Variants in TMCC1 observed in about 807,000 individuals in gnomAD.
TMCC1 encodes the protein transmembrane and coiled-coil domain family 1, also known as transmembrane and coiled-coil domains protein 1.
Under a neutral mutation model 52.4 loss-of-function variants are expected in TMCC1, and 15 were observed. The ratio of observed to expected loss-of-function variants is 0.29; its 90% CI spans 0.19 to 0.44. The LOEUF is 0.44. Ranked by LOEUF, TMCC1 falls within the 20% of genes least tolerant of loss-of-function variation. The pLI, the probability that TMCC1 is intolerant of heterozygous loss-of-function variation, is 1.00. For missense variants in TMCC1, 503 were observed against 806.0 expected, an observed-to-expected ratio of 0.62 and a Z score of 4.55; for synonymous variants, 279 against 301.9, an observed-to-expected ratio of 0.92 and a Z score of 0.79.
intron 2 of TMCC1, among the ~76,000 whole-genome samples, chr3:129,844,282 G>A (rs1329008160): frequency 1.3e-5 from 2 of 151,992 alleles, no homozygotes; most frequent in East Asian, 1.9e-4. Context: ...CTAAAAAATC[G>A]AGAAGGAATA....
intron 4 of TMCC1, among the ~76,000 whole-genome samples, chr3:129,810,639 T>A (rs1294212400): frequency 6.6e-6 from 1 of 152,244 alleles, no homozygotes; most frequent in Non-Finnish European, 1.5e-5. Context: ...CTGCTTAAAC[T>A]GAACTTGATT....
At chr3:129,797,890 C>A (rs778282449) in intron 4 of TMCC1, among the ~76,000 whole-genome samples, 4 of 152,042 alleles carry the variant, frequency 2.6e-5, no homozygotes, top group Non-Finnish European at 5.9e-5. Flanking sequence ...CTCCTTCATA[C>A]CAAGGTTCAG....
Position 129,828,363 on chromosome 3 carries a change from T to C in TMCC1, c.16A>G (p.Ser6Gly). The stretch of plus-strand genomic sequence containing the variant: ...TCAGGGTCCTCAAATAACTGTTCAC[T>C]GCCCGAAGGCTCCATCAGTAGACTT... MEPSG[S>G]EQLFEDPDPG... The change falls in exon 4 of 7, where the codon AGT becomes GGT. Residue 6 changes from serine (S) to glycine (G), a missense_variant. By Grantham distance (56) the Ser-to-Gly change is moderately conservative. Transcript: ENST00000393238. This position sits in a 1 kb window ranked among gnomAD's most constrained non-coding sequence, Gnocchi z 4.1. 1 of 1,613,940 alleles carries C rather than the reference T, an allele frequency of 6.2e-7. No individual in the cohort carries two copies. The highest frequency in any genetic ancestry group is 8.5e-7 in the Non-Finnish European group (1 of 1,179,934).
intron 2 of TMCC1, among the ~76,000 whole-genome samples, chr3:129,875,872 G>A (rs2061179939): frequency 6.6e-6 from 1 of 152,152 alleles, no homozygotes; most frequent in African/African-American, 2.4e-5. Flanking sequence ...CGTGGCTCAC[G>A]CCCGTAATCC....
Position 129,890,232 on chromosome 3 carries a change from C to G in TMCC1, c.-435+3262G>C, listed in dbSNP as rs572859883. ...TTTAAGGGTCATGTGGCAGAACTAA[C>G]AGAGTTACACCTATACCCATTTAAC... On this transcript the variant is annotated intron_variant, in intron 1 of 6. Transcript: ENST00000393238. 4.5e-4 allele frequency among the ~76,000 whole-genome samples: 68 copies of G among 152,342 alleles called. 2 individuals are homozygous for G. In the South Asian group the frequency reaches 9.7e-3, roughly 22 times the overall value.
chr3:129,660,058 G>A lies in TMCC1; in HGVS notation c.1512-4955C>T, dbSNP rs182489177. The stretch of plus-strand genomic sequence containing the variant: ...CTAGTTCTCCCCAACAATCCCTAGC[G>A]AGGTAGTTCAAAAAGATTGCTTGTT... On this transcript the variant is annotated intron_variant, in intron 5 of 6. Coordinates refer to ENST00000393238, the MANE Select transcript of TMCC1 (RefSeq NM_001017395.5). Among the ~76,000 whole-genome samples, 9 of 152,268 alleles carry A rather than the reference G, an allele frequency of 5.9e-5. No individual in the cohort carries two copies. The South Asian group carries it at 8.3e-4, about 14-fold the overall frequency.
intron 4 of TMCC1, among the ~76,000 whole-genome samples, chr3:129,795,607 C>T (rs1376860786): frequency 6.6e-6 from 1 of 152,200 alleles, no homozygotes; most frequent in Non-Finnish European, 1.5e-5. Flanking sequence ...TTTATCAAAA[C>T]AACCTTATAA....
At chr3:129,859,358 G>A (rs1233034024) in intron 2 of TMCC1, among the ~76,000 whole-genome samples, 1 of 152,132 alleles carries the variant, frequency 6.6e-6, no homozygotes, top group Non-Finnish European at 1.5e-5. Flanking sequence ...TTCAGGCTGG[G>A]TGTGATAGCT....
In TMCC1 at chr3:129,855,496, GA is replaced by G. The variant is rs1013560280; in HGVS notation, c.-183-22671del. ...TCTCTAGACACTTAAAAAATCAAAA[GA>G]AAAAAAAAACTCAGCAGAAAAAGGA... On this transcript the variant is annotated intron_variant, in intron 2 of 6. Transcript: ENST00000393238. Among the ~76,000 whole-genome samples the G allele has an allele frequency of 2.0e-3, 290 of 146,022 alleles. 1 individual carries two copies. The highest frequency in any genetic ancestry group is 5.6e-3 in the African/African-American group (222 of 39,872).
chr3:129,860,016 A>G (rs372094318), intron 2 of TMCC1, among the ~76,000 whole-genome samples: 1 of 152,226 alleles, frequency 6.6e-6, no homozygotes, highest in Non-Finnish European at 1.5e-5. Flanking sequence ...GCACCAAAGC[A>G]AGGGTTTCAG....
At chr3:129,818,693 A>C (rs2058255433) in intron 4 of TMCC1, among the ~76,000 whole-genome samples, 1 of 152,048 alleles carries the variant, frequency 6.6e-6, no homozygotes, top group Admixed American at 6.5e-5. Flanking sequence ...ACTTTTTGCA[A>C]AACAAATTGA....
At chr3:129,747,871 G>C (rs1406576816) in intron 4 of TMCC1, among the ~76,000 whole-genome samples, 1 of 152,066 alleles carries the variant, frequency 6.6e-6, no homozygotes, top group East Asian at 1.9e-4. Context: ...CCCATGTCCT[G>C]CAGTAGCAGA....
intron 2 of TMCC1, among the ~76,000 whole-genome samples, chr3:129,858,890 A>G (rs988220036): frequency 6.6e-6 from 1 of 152,190 alleles, no homozygotes; most frequent in African/African-American, 2.4e-5. Flanking sequence ...CATAGGTCAA[A>G]TTTAAGATTT....
intron 4 of TMCC1, among the ~76,000 whole-genome samples, chr3:129,684,485 A>G (rs1469977197): frequency 6.6e-6 from 1 of 152,152 alleles, no homozygotes; most frequent in Non-Finnish European, 1.5e-5. Flanking sequence ...CCTGCAGTGT[A>G]GTCTCAAAAA....
At chr3:129,720,303 T>C (rs1267832975) in intron 4 of TMCC1, among the ~76,000 whole-genome samples, 1 of 152,128 alleles carries the variant, frequency 6.6e-6, no homozygotes, top group Non-Finnish European at 1.5e-5. Context: ...AGTGAAATGT[T>C]AGCAAATGTG....
chr3:129,761,121 C>G (rs1202398078), intron 4 of TMCC1, among the ~76,000 whole-genome samples: 2 of 151,130 alleles, frequency 1.3e-5, no homozygotes, highest in Non-Finnish European at 3.0e-5. Flanking sequence ...GTCGGGGGAT[C>G]GAGACCATCC....
chr3:129,835,345 A>ATTTTTTT lies in TMCC1; in HGVS notation c.-183-2520_-183-2519insAAAAAAA, dbSNP rs1553885870. 3.3e-5 allele frequency among the ~76,000 whole-genome samples: 5 copies of ATTTTTTT among 151,644 alleles called. No individual in the cohort carries two copies. The East Asian group carries it at 9.6e-4, about 29-fold the overall frequency. On this transcript the variant is annotated intron_variant, in intron 2 of 6. Coordinates refer to ENST00000393238, the MANE Select transcript of TMCC1 (RefSeq NM_001017395.5). ...CACTCTTTCATATATATATATATAT[A>ATTTTTTT]TTTTAATGACAGGCTTTTCCCATCT...
chr3:129,766,621 G>GT (rs1355457628), intron 4 of TMCC1, among the ~76,000 whole-genome samples: 9 of 151,966 alleles, frequency 5.9e-5, no homozygotes, highest in East Asian at 5.8e-4. Context: ...GTTTTGTTTT[G>GT]TTTTTTTGTT....
intron 2 of TMCC1, among the ~76,000 whole-genome samples, chr3:129,851,357 G>C (rs1203664822): frequency 1.3e-5 from 2 of 152,098 alleles, no homozygotes; most frequent in African/African-American, 4.8e-5. Context: ...TCAGTTGAGT[G>C]GATCAAACTT....
Sources: gnomAD v4.1 joint callset for allele counts (sites outside exome capture counted in the v4.1 genomes callset) on GRCh38, gnomAD v4.1.1 for gene constraint, Gnocchi (gnomAD v3.1) non-coding constraint, MANE v1.5 for transcripts, NCBI Gene and HGNC (gene_info 2026-07-23, HGNC 2026-07-21) for gene names.